Variants in RALYL observed in about 807,000 individuals in gnomAD.
The protein encoded by RALYL is RNA-binding Raly-like protein.
A neutral mutation model predicts 35.1 loss-of-function variants in RALYL; 29 were observed. That is an observed-to-expected ratio of 0.83 (90% CI 0.61 to 1.13). The LOEUF (loss-of-function observed/expected upper bound fraction) is 1.13. Among genes scored for constraint, RALYL ranks in the 50% most tolerant of loss-of-function variants. The pLI is 0.00. For missense variants in RALYL, 359 were observed against 360.4 expected, an observed-to-expected ratio of 1.00 and a Z score of 0.03; for synonymous variants, 120 against 127.6, an observed-to-expected ratio of 0.94 and a Z score of 0.40.
At chr8:84,888,202 G>T (rs1843230396) in intron 8 of RALYL, among the ~76,000 whole-genome samples, 1 of 152,294 alleles carries the variant, frequency 6.6e-6, no homozygotes, top group Middle Eastern at 3.4e-3. Flanking sequence ...CAACAGTCTT[G>T]TCTACAGTGT....
At chr8:84,765,272 G>C (rs986887898) in intron 2 of RALYL, among the ~76,000 whole-genome samples, 1 of 152,166 alleles carries the variant, frequency 6.6e-6, no homozygotes, top group African/African-American at 2.4e-5. Context: ...GGCATAGAAG[G>C]TGTGACATTC....
chr8:84,881,528 A>C (rs1239933750), intron 7 of RALYL, among the ~76,000 whole-genome samples: 1 of 151,960 alleles, frequency 6.6e-6, no homozygotes. Flanking sequence ...CTATGCAGCA[A>C]ACTCAATTTA....
intron 3 of RALYL, 134 bp from the exon 4 acceptor site, chr8:84,804,636 T>C: frequency 3.1e-6 from 1 of 317,714 alleles, no homozygotes; most frequent in Non-Finnish European, 5.6e-6. Context: ...ATATTATTTA[T>C]AGCTTTTTAC....
chr8:84,568,270 A>G (rs923699396), intron 2 of RALYL, among the ~76,000 whole-genome samples: 6 of 140,064 alleles, frequency 4.3e-5, no homozygotes, highest in Admixed American at 1.6e-4. Flanking sequence ...TCATTGTTCA[A>G]TTCCCACCTA....
intron 1 of RALYL, among the ~76,000 whole-genome samples, chr8:84,283,840 A>G (rs1837087825): frequency 6.6e-6 from 1 of 152,116 alleles, no homozygotes; most frequent in East Asian, 1.9e-4. Flanking sequence ...CTTGGAATAT[A>G]TTTATCACAT....
At chr8:84,506,699 A>T (rs2057195664) in intron 1 of RALYL, among the ~76,000 whole-genome samples, 1 of 152,004 alleles carries the variant, frequency 6.6e-6, no homozygotes, top group African/African-American at 2.4e-5. Flanking sequence ...ATTTTAAATT[A>T]TTTAGCATAT....
At chr8:84,649,888 T>C (rs899985970) in intron 2 of RALYL, among the ~76,000 whole-genome samples, 1 of 152,030 alleles carries the variant, frequency 6.6e-6, no homozygotes. Context: ...GCCATTTTCA[T>C]GATATTGATT....
intron 1 of RALYL, among the ~76,000 whole-genome samples, chr8:84,205,673 T>C (rs1162326536): frequency 6.6e-6 from 1 of 152,224 alleles, no homozygotes; most frequent in Non-Finnish European, 1.5e-5. Context: ...ATCCATGATG[T>C]CAAGTAATCT....
intron 6 of RALYL, chr8:84,873,029 T>C (rs1457483186): frequency 3.0e-6 from 1 of 334,602 alleles, no homozygotes; most frequent in Non-Finnish European, 5.4e-6. Context: ...CTTAATTCCG[T>C]TATCCATTTC....
chr8:84,625,982 G>A (rs529256930), intron 2 of RALYL, among the ~76,000 whole-genome samples: 1 of 152,082 alleles, frequency 6.6e-6, no homozygotes, highest in Admixed American at 6.5e-5. Context: ...AGGTAATTCA[G>A]AGACAGGGGC....
chr8:84,520,826 G>C (rs1192277553), intron 1 of RALYL, among the ~76,000 whole-genome samples: 2 of 152,076 alleles, frequency 1.3e-5, no homozygotes, highest in Non-Finnish European at 2.9e-5. Context: ...TCTCACCCTT[G>C]TCCCACCACC....
chr8:84,492,762 G>T (rs757755642), intron 1 of RALYL, among the ~76,000 whole-genome samples: 2 of 147,452 alleles, frequency 1.4e-5, no homozygotes, highest in African/African-American at 2.7e-5. Context: ...TCTTTCAAAA[G>T]GTATTACATA....
At chr8:84,339,650 T>G (rs891938580) in intron 1 of RALYL, among the ~76,000 whole-genome samples, 1 of 151,926 alleles carries the variant, frequency 6.6e-6, no homozygotes, top group Non-Finnish European at 1.5e-5. Flanking sequence ...ACCCCCCAGT[T>G]TGTGGAAAAA....
intron 1 of RALYL, among the ~76,000 whole-genome samples, chr8:84,459,782 C>T (rs773892144): frequency 1.3e-5 from 2 of 151,652 alleles, no homozygotes; most frequent in African/African-American, 2.4e-5. Flanking sequence ...CATAAAATAT[C>T]ATCTGTTGGG....
At chr8:84,353,601 G>A (rs1056011849) in intron 1 of RALYL, among the ~76,000 whole-genome samples, 4 of 150,114 alleles carry the variant, frequency 2.7e-5, no homozygotes, top group African/African-American at 9.9e-5. Flanking sequence ...TAATCAATGA[G>A]TCACTGAGAA....
intron 2 of RALYL, among the ~76,000 whole-genome samples, chr8:84,644,414 C>A (rs1330045598): frequency 6.6e-6 from 1 of 151,964 alleles, no homozygotes; most frequent in Non-Finnish European, 1.5e-5. Flanking sequence ...GATAAAATTC[C>A]TATCCTCGTG....
chr8:84,807,596 T>C (rs1824954230), intron 4 of RALYL, among the ~76,000 whole-genome samples: 1 of 152,194 alleles, frequency 6.6e-6, no homozygotes, highest in Non-Finnish European at 1.5e-5. Flanking sequence ...TTTACACTGT[T>C]TTCTATAGTG....
intron 1 of RALYL, among the ~76,000 whole-genome samples, chr8:84,415,205 G>T (rs75238396): frequency 0.084 from 4,561 of 54,540 alleles, 270 homozygotes; most frequent in African/African-American, 0.22. Context: ...GCAGACACTC[G>T]TTTTTTTTTT....
At chr8:84,881,114 A>C (rs1488813002) in intron 7 of RALYL, among the ~76,000 whole-genome samples, 1 of 151,948 alleles carries the variant, frequency 6.6e-6, no homozygotes, top group Non-Finnish European at 1.5e-5. Context: ...AACAACTTTG[A>C]AGCCATTTCC....
Sources: allele counts gnomAD v4.1 joint callset (sites outside exome capture counted in the v4.1 genomes callset), GRCh38; gene constraint gnomAD v4.1.1; transcripts MANE v1.5; gene names NCBI Gene and HGNC (gene_info 2026-07-23, HGNC 2026-07-21).